Variants in ARID4A observed in about 807,000 individuals in gnomAD.
ARID4A encodes AT-rich interaction domain 4A.
A neutral mutation model predicts 148.6 loss-of-function variants in ARID4A; 39 were observed. The observed-to-expected ratio is 0.26, with a 90% confidence interval of 0.20 to 0.34. ARID4A has a LOEUF of 0.34. Ranked by LOEUF, ARID4A falls within the 10% of genes least tolerant of loss-of-function variation. The pLI is 1.00. For missense variants in ARID4A, 1,265 were observed against 1,449.1 expected (o/e 0.87, Z 2.06); for synonymous variants, 475 against 481.2 (o/e 0.99, Z 0.17).
intron 15 of ARID4A, among the ~76,000 whole-genome samples, chr14:58,350,824 TC>T (rs985553809): frequency 3.9e-5 from 6 of 152,170 alleles, no homozygotes; most frequent in African/African-American, 1.2e-4. Flanking sequence ...TTTACTTTTT[TC>T]ATTCAAACAG....
At chr14:58,347,526 A>C in intron 14 of ARID4A, 121 bp from the exon 15 acceptor site, 2 of 706,586 alleles carry the variant, frequency 2.8e-6, no homozygotes, top group Non-Finnish European at 4.4e-6. Flanking sequence ...TAACACAGAA[A>C]AGAGTAACAA....
intron 7 of ARID4A, among the ~76,000 whole-genome samples, chr14:58,319,025 A>C (rs1364649681): frequency 2.0e-5 from 3 of 152,156 alleles, no homozygotes; most frequent in African/African-American, 4.8e-5. Flanking sequence ...TTTTGTTTTA[A>C]GTTACTTTGC....
intron 17 of ARID4A, 54 bp downstream of exon 17, chr14:58,353,909 A>T (rs2034751630): frequency 1.4e-6 from 2 of 1,436,248 alleles, no homozygotes; most frequent in Non-Finnish European, 1.9e-6. Context: ...ATTAAATAGA[A>T]CATCAACTTA....
At chr14:58,343,060 T>C (rs1308995314) in intron 11 of ARID4A, among the ~76,000 whole-genome samples, 2 of 152,236 alleles carry the variant, frequency 1.3e-5, no homozygotes, top group Non-Finnish European at 2.9e-5. Context: ...AAAATTAATG[T>C]GTGAAGTGGT....
chr14:58,370,848 C>T (rs1057277299), intron 23 of ARID4A, among the ~76,000 whole-genome samples: 1 of 152,090 alleles, frequency 6.6e-6, no homozygotes, highest in African/African-American at 2.4e-5. Flanking sequence ...TGTTCTAAAG[C>T]AATCCTTTTG....
At chr14:58,344,387 A>C (rs2034257263) in intron 11 of ARID4A, among the ~76,000 whole-genome samples, 1 of 152,180 alleles carries the variant, frequency 6.6e-6, no homozygotes, top group Admixed American at 6.5e-5. Flanking sequence ...TGGGCTTTAA[A>C]AAAAATATAT....
Position 58,328,277 on chromosome 14 carries a change from A to G in ARID4A, c.623A>G (p.Lys208Arg). 6.2e-7 allele frequency: 1 copy of G among 1,604,378 alleles called. No homozygotes were observed. Among genetic ancestry groups the G allele is most frequent in the South Asian group, 1.1e-5 (1 of 90,782 alleles). The stretch of plus-strand genomic sequence containing the variant: ...TGTAATGATGACATCACAGTGAAAA[A>G]GGATCAGTGTTTAGTTCGATCATTT... Reference protein sequence around the residue: ...PSCNDDITVKKDQCLVRSFID... With the variant: ...PSCNDDITVKRDQCLVRSFID... Residue 208 changes from lysine to arginine, a missense_variant, in exon 9 of 24, where the codon AAG (lysine) becomes AGG (arginine). Transcript: ENST00000355431.
chr14:58,372,486 G>T lies in ARID4A; in HGVS notation c.*497G>T. On this transcript the variant is annotated 3_prime_UTR_variant, in exon 24 of 24. Coordinates refer to ENST00000355431, the MANE Select transcript of ARID4A (RefSeq NM_002892.4). ...GTGGAAGCACTTGCTATTTAGAACT[G>T]CCAAAGTATATGTTCAGCAGTGTGC... 4.4e-6 allele frequency: 1 copy of T among 225,308 alleles called. No individual in the cohort carries two copies. The highest frequency in any genetic ancestry group is 8.8e-6 in the Non-Finnish European group (1 of 113,358). The allele number at this position is 225,308 out of a possible 1,614,324, so 14.0% of individuals were successfully genotyped here. A position where few individuals can be genotyped will look rare whatever the true frequency, so the allele number is the denominator to read the frequency against.
Position 58,306,049 on chromosome 14 carries a change from T to C in ARID4A, c.211T>C (p.Ser71Pro), listed in dbSNP as rs755643697. The C allele has an allele frequency of 5.0e-6, 8 of 1,613,732 alleles. No individual in the cohort carries two copies. In the Admixed American group the frequency reaches 6.7e-5, roughly 13 times the overall value. Residue 71 changes from serine to proline, a missense_variant, in exon 5 of 24, where the codon TCT (serine) becomes CCT (proline). Physicochemically the swap from Ser to Pro is moderately conservative, Grantham distance 74 (BLOSUM62 -1). Coordinates refer to ENST00000355431, the MANE Select transcript of ARID4A (RefSeq NM_002892.4). Reference protein sequence around the residue: ...RVGAIVETRTSDGSFQEAIIS... With the variant: ...RVGAIVETRTPDGSFQEAIIS... ...TGGAGCTATTGTTGAAACAAGGACA[T>C]CTGATGGATCTTTTCAGGAAGCTAT... is the stretch of plus-strand genomic sequence containing the variant.
Position 58,359,219 on chromosome 14 carries a change from A to G in ARID4A, c.1938+3A>G, listed in dbSNP as rs1298659446. Reference sequence around the variant, plus strand: ...AAAAACAGAAGAAAAAAGCTAAAGTATGTTTGTAGATTTATGTCCTTTATA... The same window carrying G: ...AAAAACAGAAGAAAAAAGCTAAAGTGTGTTTGTAGATTTATGTCCTTTATA... On this transcript the variant is annotated splice_donor_region_variant and intron_variant, in intron 18 of 23. Transcript: ENST00000355431. 9.5e-6 allele frequency: 15 copies of G among 1,583,690 alleles called. No homozygotes were observed. Among genetic ancestry groups the G allele is most frequent in the Non-Finnish European group, 1.3e-5 (15 of 1,171,206 alleles).
At chr14:58,303,451 C>T in intron 3 of ARID4A, 7 of 448,590 alleles carry the variant, frequency 1.6e-5, no homozygotes, top group Admixed American at 7.2e-5. Context: ...TTTACTGTGC[C>T]AGTCATAAAA....
At chr14:58,346,575 A>G in intron 13 of ARID4A, 70 bp downstream of exon 13, 1 of 937,580 alleles carries the variant, frequency 1.1e-6, no homozygotes, top group Admixed American at 2.1e-5. Flanking sequence ...ATATTGCATT[A>G]TTATATGCAC....
rs200994644 is a variant in ARID4A, at chr14:58,365,224, G to A, written c.3135G>A (p.Ser1045=). 42 of 1,613,980 alleles carry A rather than the reference G, an allele frequency of 2.6e-5. No individual in the cohort carries two copies. In the Admixed American group the frequency reaches 3.7e-4, roughly 14 times the overall value. The part of the protein sequence containing the change: ...ESQEGLCERE[S]ANGFETNVAS... ...AAGAAGGTCTCTGTGAGAGGGAATC[G>A]GCAAATGGATTTGAAACTAATGTTG... Residue 1045 remains serine (S), a synonymous_variant, in exon 20 of 24, where the codon TCG becomes TCA. Coordinates refer to ENST00000355431, the MANE Select transcript of ARID4A (RefSeq NM_002892.4).
Position 58,365,529 on chromosome 14 carries a change from C to G in ARID4A, c.3223C>G (p.Pro1075Ala). ...TCCCCTTATTTCAGGTCAGAAGAGG[C>G]CAAGTGATGGAAATAGTGGATTAAT... Reference protein sequence around the residue: ...RESREKGQKRPSDGNSGLMAK... With the variant: ...RESREKGQKRASDGNSGLMAK... The change falls in exon 21 of 24, where the codon CCA (proline) becomes GCA (alanine). Residue 1075 changes from proline (P) to alanine (A), a missense_variant. Transcript: ENST00000355431. 6.8e-7 allele frequency: 1 copy of G among 1,479,552 alleles called. No homozygotes were observed. Among genetic ancestry groups the G allele is most frequent in the Non-Finnish European group, 9.2e-7 (1 of 1,092,598 alleles). The allele number at this position is 1,479,552 out of a possible 1,614,324, so 91.7% of individuals were successfully genotyped here. A position where few individuals can be genotyped will look rare whatever the true frequency, so the allele number is the denominator to read the frequency against.
At chr14:58,314,538 A>G (rs563439477) in intron 5 of ARID4A, among the ~76,000 whole-genome samples, 9 of 152,130 alleles carry the variant, frequency 5.9e-5, no homozygotes, top group African/African-American at 2.2e-4. Context: ...TGATCCTCCT[A>G]CCTCAGCCAT....
intron 11 of ARID4A, among the ~76,000 whole-genome samples, chr14:58,333,999 G>A (rs2033668261): frequency 6.6e-6 from 1 of 152,070 alleles, no homozygotes. Flanking sequence ...CAACTGACTT[G>A]CTAAAATCTT....
intron 14 of ARID4A, 108 bp downstream of exon 14, chr14:58,347,225 G>C (rs1287255325): frequency 1.7e-6 from 1 of 585,018 alleles, no homozygotes; most frequent in Non-Finnish European, 2.7e-6. Context: ...GTTAGAGAAA[G>C]TATATAAAAA....
At chr14:58,329,654 G>C in intron 10 of ARID4A, 50 bp downstream of exon 10, 2 of 1,432,546 alleles carry the variant, frequency 1.4e-6, no homozygotes, top group African/African-American at 1.4e-5. Flanking sequence ...GCTCTATTTG[G>C]AAAATAGCAA....
In ARID4A at chr14:58,343,421, T is replaced by A. The variant is rs376729198; in HGVS notation, c.907-1274T>A. ...CAACTACATGCTTATTGATCCTGGC[T>A]GTATTATCAGCTATTAGATAACACA... On this transcript the variant is annotated intron_variant, in intron 11 of 23. Transcript: ENST00000355431. 2.6e-5 allele frequency among the ~76,000 whole-genome samples: 4 copies of A among 152,364 alleles called. 1 individual carries two copies.
Sources: allele counts gnomAD v4.1 joint callset (sites outside exome capture counted in the v4.1 genomes callset), GRCh38; gene constraint gnomAD v4.1.1; transcripts MANE v1.5; gene names NCBI Gene and HGNC (gene_info 2026-07-23, HGNC 2026-07-21).